CACNA1D: variants seen among roughly 807,000 people sequenced by gnomAD.
CACNA1D encodes voltage-dependent L-type calcium channel subunit alpha-1D.
A neutral mutation model predicts 257.1 loss-of-function variants in CACNA1D; 55 were observed. The observed-to-expected ratio is 0.21, with a 90% CI of 0.17 to 0.27. CACNA1D has a LOEUF of 0.27. CACNA1D is among the 10% of genes least tolerant of loss of function. The pLI, the probability that CACNA1D is intolerant of heterozygous loss-of-function variation, is 1.00. For missense variants in CACNA1D, 1,876 were observed against 2,784.0 expected (o/e 0.67, Z 7.34); for synonymous variants, 980 against 1,014.9 (o/e 0.97, Z 0.65).
intron 8 of CACNA1D, among the ~76,000 whole-genome samples, chr3:53,688,498 G>T (rs1447335615): frequency 6.6e-6 from 1 of 152,216 alleles, no homozygotes; most frequent in African/African-American, 2.4e-5. Context: ...GGAGAGAAAT[G>T]GATGGGAAGG....
chr3:53,800,978 G>T lies in CACNA1D; in HGVS notation c.5041-80G>T. 7.0e-7 allele frequency: 1 copy of T among 1,433,006 alleles called. No homozygotes were observed. The highest frequency in any genetic ancestry group is 1.1e-5 in the South Asian group (1 of 87,034). The allele number at this position is 1,433,006 out of a possible 1,614,324, so 88.8% of individuals were successfully genotyped here. A position where few individuals can be genotyped will look rare whatever the true frequency, so the allele number is the denominator to read the frequency against. On this transcript the variant is annotated intron_variant, in intron 41 of 47. Coordinates refer to ENST00000350061, the MANE Select transcript of CACNA1D (RefSeq NM_001128840.3). The surrounding 1 kb of genome is among the most constrained non-coding windows in gnomAD (Gnocchi z 4.3). ...AGCTTGCCTAGAATTTGTTTTTCATGTAGAAAAAGTTACCTAACATAGCTA... is the reference window on the plus strand; with the variant it reads ...AGCTTGCCTAGAATTTGTTTTTCATTTAGAAAAAGTTACCTAACATAGCTA...
intron 29 of CACNA1D, among the ~76,000 whole-genome samples, chr3:53,758,920 G>A (rs925064737): frequency 6.6e-6 from 1 of 152,088 alleles, no homozygotes; most frequent in Non-Finnish European, 1.5e-5. Flanking sequence ...GAAGGGTGGG[G>A]GAACTGAGTC....
intron 4 of CACNA1D, among the ~76,000 whole-genome samples, chr3:53,659,545 C>G (rs1055372528): frequency 1.7e-4 from 26 of 152,342 alleles, no homozygotes; most frequent in Non-Finnish European, 1.2e-4. Flanking sequence ...TAGACTAGAA[C>G]AGACCACATG....
rs531903029 is a variant in CACNA1D, at chr3:53,689,102, C to G, written c.1221-13539C>G. Among the ~76,000 whole-genome samples the G allele has an allele frequency of 7.9e-5, 12 of 152,274 alleles. 1 individual carries two copies. The South Asian group carries it at 2.3e-3, about 29-fold the overall frequency. On this transcript the variant is annotated intron_variant, in intron 8 of 47. Coordinates refer to ENST00000350061, the MANE Select transcript of CACNA1D (RefSeq NM_001128840.3). ...CTATCAGTATGCCCTAGGAGCACAG[C>G]AGAGGGTTGGCAAGTCAGAGGGCCT... is the stretch of plus-strand genomic sequence containing the variant.
In CACNA1D at chr3:53,732,010, T is replaced by C. The variant is rs1040695247; in HGVS notation, c.2407-6T>C. Reference sequence around the variant, plus strand: ...CCCTCCTCCCAAGATGTCTTTGTCATCCTAGGTTACAATTGATGACTATAG... The same window carrying C: ...CCCTCCTCCCAAGATGTCTTTGTCACCCTAGGTTACAATTGATGACTATAG... On this transcript the variant is annotated splice_region_variant and splice_polypyrimidine_tract_variant and intron_variant, in intron 17 of 47. Transcript: ENST00000350061. 2 of 1,594,376 alleles carry C rather than the reference T, an allele frequency of 1.3e-6. No individual in the cohort carries two copies. The highest frequency in any genetic ancestry group is 1.7e-6 in the Non-Finnish European group (2 of 1,161,878).
chr3:53,531,145 C>T (rs1222500656), intron 3 of CACNA1D, among the ~76,000 whole-genome samples: 1 of 151,926 alleles, frequency 6.6e-6, no homozygotes, highest in Non-Finnish European at 1.5e-5. Context: ...AGCCACTGTG[C>T]CCAGCCTCCT....
At chr3:53,598,693 C>T (rs960304628) in intron 3 of CACNA1D, among the ~76,000 whole-genome samples, 1 of 152,114 alleles carries the variant, frequency 6.6e-6, no homozygotes, top group Non-Finnish European at 1.5e-5. Context: ...TACACAAGGT[C>T]AAGAGAAAGC....
At chr3:53,702,900 C>T in intron 9 of CACNA1D, 90 bp downstream of exon 9, 1 of 1,420,468 alleles carries the variant, frequency 7.0e-7, no homozygotes, top group South Asian at 1.2e-5. Context: ...CTGACCCAGG[C>T]TGTGAGTGGG....
intron 16 of CACNA1D, 79 bp from the exon 17 acceptor site, chr3:53,730,998 G>T: frequency 2.3e-6 from 2 of 875,756 alleles, no homozygotes; most frequent in African/African-American, 1.7e-5. Context: ...GAGCATTATT[G>T]ATTCAGAATC....
Position 53,713,541 on chromosome 3 carries a change from T to TGAGA in CACNA1D, c.1391-4759_1391-4758insAGAG, listed in dbSNP as rs1473642337. Reference sequence around the variant, plus strand: ...GTGTGTGTGTGTGTGTGTGTGTGTGTGTGAGAGATTTGCCTCCAAATTCAC... The same window carrying TGAGA: ...GTGTGTGTGTGTGTGTGTGTGTGTGTGAGAGTGAGAGATTTGCCTCCAAATTCAC... On this transcript the variant is annotated intron_variant, in intron 9 of 47. Coordinates refer to ENST00000350061, the MANE Select transcript of CACNA1D (RefSeq NM_001128840.3). 7.8e-5 allele frequency among the ~76,000 whole-genome samples: 10 copies of TGAGA among 127,726 alleles called. No homozygotes were observed. The South Asian group carries it at 1.6e-3, about 21-fold the overall frequency. The allele number at this position is 127,726 out of a possible 152,430, so 83.8% of individuals were successfully genotyped here.
At chr3:53,530,323 G>C (rs2091906028) in intron 3 of CACNA1D, 1 of 152,190 alleles carries the variant, frequency 6.6e-6, no homozygotes. Flanking sequence ...TTTTGGGTGT[G>C]TGTTGTCATG....
At chr3:53,577,417 A>G (rs2093056594) in intron 3 of CACNA1D, among the ~76,000 whole-genome samples, 1 of 152,168 alleles carries the variant, frequency 6.6e-6, no homozygotes, top group Non-Finnish European at 1.5e-5. Flanking sequence ...AGCCACTGGC[A>G]GCCCTGGATT....
In CACNA1D at chr3:53,813,524, A is replaced by ACTC. The variant is rs1009581157; in HGVS notation, c.*2119_*2121dup. ...TACACCACTGTCAACATTATCCTGGACTCTGTGTCTCTCTCTGTTGGGTCT... is the reference window on the plus strand; with the variant it reads ...TACACCACTGTCAACATTATCCTGGACTCCTCTGTGTCTCTCTCTGTTGGGTCT... On this transcript the variant is annotated 3_prime_UTR_variant, in exon 48 of 48. Transcript: ENST00000350061. The ACTC allele has an allele frequency of 8.5e-5, 13 of 152,050 alleles. No homozygotes were observed. Among genetic ancestry groups the ACTC allele is most frequent in the African/African-American group, 2.9e-4 (12 of 41,396 alleles). 9.4% of individuals were successfully genotyped at this position (152,050 alleles called of 1,614,324 possible).
intron 16 of CACNA1D, among the ~76,000 whole-genome samples, 158 bp downstream of exon 16, chr3:53,730,714 A>T (rs1357355452): frequency 6.6e-6 from 1 of 152,218 alleles, no homozygotes; most frequent in Non-Finnish European, 1.5e-5. Flanking sequence ...ACCAAAACGG[A>T]TGGAATCTTG....
chr3:53,599,590 C>T (rs868616910), intron 3 of CACNA1D, among the ~76,000 whole-genome samples: 5 of 152,166 alleles, frequency 3.3e-5, no homozygotes, highest in African/African-American at 9.7e-5. Context: ...TGACAATTTA[C>T]TTCCCATCTC....
chr3:53,535,350 A>G (rs2092084255), intron 3 of CACNA1D, among the ~76,000 whole-genome samples: 1 of 152,188 alleles, frequency 6.6e-6, no homozygotes, highest in African/African-American at 2.4e-5. Flanking sequence ...TCTGCAAGGT[A>G]TCTGGAGTGG....
chr3:53,622,580 A>T (rs1310723008), intron 3 of CACNA1D, among the ~76,000 whole-genome samples: 1 of 152,060 alleles, frequency 6.6e-6, no homozygotes, highest in African/African-American at 2.4e-5. Context: ...ATGAGAACAC[A>T]TGGACACAGA....
intron 32 of CACNA1D, among the ~76,000 whole-genome samples, chr3:53,771,875 C>T (rs1199188924): frequency 6.6e-6 from 1 of 152,182 alleles, no homozygotes; most frequent in Non-Finnish European, 1.5e-5. Context: ...TCTGTGGGAC[C>T]CTGCTGAGCA....
chr3:53,733,936 G>GTT (rs2108777219), intron 19 of CACNA1D, among the ~76,000 whole-genome samples: 2 of 133,658 alleles, frequency 1.5e-5, no homozygotes, highest in Non-Finnish European at 3.2e-5. Flanking sequence ...GTGTTTGTGT[G>GTT]TGTGTGTGTG....
Sources: gnomAD v4.1 joint callset for allele counts (sites outside exome capture counted in the v4.1 genomes callset) on GRCh38, gnomAD v4.1.1 for gene constraint, Gnocchi (gnomAD v3.1) non-coding constraint, MANE v1.5 for transcripts, NCBI Gene and HGNC (gene_info 2026-07-23, HGNC 2026-07-21) for gene names.